The following CLASP1 variants were observed in gnomAD, a reference collection of about 807,000 sequenced individuals.
The protein encoded by CLASP1 is cytoplasmic linker associated protein 1, also known as CLIP-associating protein 1.
In CLASP1, 38 loss-of-function variants were observed where a neutral mutation model predicts 192.3. The ratio of observed to expected loss-of-function variants is 0.20; its 90% CI spans 0.15 to 0.26. CLASP1 has a LOEUF of 0.26. Ranked by LOEUF, CLASP1 falls within the 10% of genes least tolerant of loss-of-function variation. The pLI is 1.00. For missense variants in CLASP1, 1,433 were observed against 1,932.5 expected, an observed-to-expected ratio of 0.74 and a Z score of 4.85; for synonymous variants, 691 against 712.8, an observed-to-expected ratio of 0.97 and a Z score of 0.49.
chr2:121,609,078 C>T (rs1264848933), intron 1 of CLASP1, among the ~76,000 whole-genome samples: 2 of 152,148 alleles, frequency 1.3e-5, no homozygotes, highest in Non-Finnish European at 2.9e-5. Context: ...CCTTTCCCCA[C>T]CTTGAAAACA....
chr2:121,562,660 T>C (rs1022482983), intron 2 of CLASP1, among the ~76,000 whole-genome samples: 2 of 152,202 alleles, frequency 1.3e-5, no homozygotes, highest in Non-Finnish European at 2.9e-5. Flanking sequence ...AATTATTTAC[T>C]AGGAGATCAA....
At chr2:121,384,664 G>A (rs1364795511) in intron 32 of CLASP1, among the ~76,000 whole-genome samples, 1 of 152,148 alleles carries the variant, frequency 6.6e-6, no homozygotes, top group Non-Finnish European at 1.5e-5. Context: ...AGCATGTTGG[G>A]AGGCAGAGGT....
chr2:121,399,043 G>A (rs1277527456), intron 28 of CLASP1, among the ~76,000 whole-genome samples: 1 of 152,172 alleles, frequency 6.6e-6, no homozygotes, highest in Non-Finnish European at 1.5e-5. Flanking sequence ...GGCCCACGTG[G>A]AAAATGGTGA....
rs147266604 is a variant in CLASP1 at position 121,442,776 on chromosome 2, C to A, written c.1912+4561G>T. On this transcript the variant is annotated intron_variant, in intron 19 of 39. Coordinates refer to ENST00000263710, the Ensembl canonical transcript of CLASP1. The stretch of plus-strand genomic sequence containing the variant: ...TTACAGGGGTGAGCCACTGCACTCA[C>A]CCTCTAAATTTTTAATTTAGAGCAT... 5.7e-3 allele frequency among the ~76,000 whole-genome samples: 865 copies of A among 152,194 alleles called. 2 individuals carry two copies. The highest frequency in any genetic ancestry group is 1.0e-2 in the Non-Finnish European group (679 of 67,982).
chr2:121,583,895 C>T lies in CLASP1; in HGVS notation c.195+21806G>A, dbSNP rs185172174. Among the ~76,000 whole-genome samples the T allele has an allele frequency of 9.5e-3, 1,426 of 149,542 alleles. 20 individuals carry two copies. The highest frequency in any genetic ancestry group is 0.01 in the Non-Finnish European group (699 of 68,000). Reference sequence around the variant, plus strand: ...AGTGTTAGGGTCTTTTCTGAAATACCTTTATGTAAAAAATCGTGGGGAGGG... The same window carrying T: ...AGTGTTAGGGTCTTTTCTGAAATACTTTTATGTAAAAAATCGTGGGGAGGG... On this transcript the variant is annotated intron_variant, in intron 2 of 39. Transcript: ENST00000263710.
intron 2 of CLASP1, among the ~76,000 whole-genome samples, chr2:121,543,870 T>C (rs962062721): frequency 6.6e-6 from 1 of 152,048 alleles, no homozygotes; most frequent in East Asian, 1.9e-4. Flanking sequence ...AGGGGGTGGA[T>C]AGGAAATCAT....
chr2:121,444,663 T>C (rs2083996227), intron 19 of CLASP1, among the ~76,000 whole-genome samples: 1 of 152,080 alleles, frequency 6.6e-6, no homozygotes, highest in Non-Finnish European at 1.5e-5. Flanking sequence ...TCAATGCTCC[T>C]CCCCAGAGTG....
chr2:121,596,034 G>A (rs11122861), intron 2 of CLASP1, among the ~76,000 whole-genome samples: 29,172 of 152,098 alleles, frequency 0.19, 5,047 homozygotes, highest in African/African-American at 0.46. Context: ...AGCCAGAAGA[G>A]GAATCCAGAC....
chr2:121,546,692 T>G (rs956730517), intron 2 of CLASP1, among the ~76,000 whole-genome samples: 1 of 152,054 alleles, frequency 6.6e-6, no homozygotes, highest in African/African-American at 2.4e-5. Context: ...CAGAGTAGTT[T>G]CTCAGGCGCA....
At chr2:121,537,893 A>C (rs1288622108) in intron 2 of CLASP1, among the ~76,000 whole-genome samples, 1 of 152,228 alleles carries the variant, frequency 6.6e-6, no homozygotes, top group African/African-American at 2.4e-5. Context: ...GAGAAATTGA[A>C]CATCCACTGC....
intron 37 of CLASP1, among the ~76,000 whole-genome samples, chr2:121,359,552 C>G (rs968475891): frequency 6.6e-6 from 1 of 152,160 alleles, no homozygotes; most frequent in East Asian, 1.9e-4. Flanking sequence ...CTCTTGGAAA[C>G]AGAAAATGGG....
chr2:121,563,105 G>A (rs2059228059), intron 2 of CLASP1, among the ~76,000 whole-genome samples: 1 of 152,078 alleles, frequency 6.6e-6, no homozygotes, highest in African/African-American at 2.4e-5. Context: ...TTCAAATCAA[G>A]TACAAGGCAT....
At chr2:121,583,277 C>T (rs976430726) in intron 2 of CLASP1, among the ~76,000 whole-genome samples, 2 of 152,142 alleles carry the variant, frequency 1.3e-5, no homozygotes, top group Admixed American at 6.5e-5. Flanking sequence ...ACCATACTCC[C>T]TAAACAATGT....
chr2:121,549,732 G>A (rs557020180), intron 2 of CLASP1, among the ~76,000 whole-genome samples: 28 of 147,684 alleles, frequency 1.9e-4, no homozygotes, highest in Admixed American at 1.3e-3. Flanking sequence ...AAGGCCTGGC[G>A]TGGTGGCTCA....
chr2:121,539,776 T>C (rs2095187540), intron 2 of CLASP1, among the ~76,000 whole-genome samples: 1 of 152,200 alleles, frequency 6.6e-6, no homozygotes, highest in Non-Finnish European at 1.5e-5. Flanking sequence ...ACAAAGCAAC[T>C]GATAGGCAAG....
intron 1 of CLASP1, among the ~76,000 whole-genome samples, chr2:121,620,691 T>C (rs989157586): frequency 6.6e-6 from 1 of 152,208 alleles, no homozygotes; most frequent in Non-Finnish European, 1.5e-5. Context: ...GACAGCATCT[T>C]TGAAGAAGTA....
intron 2 of CLASP1, among the ~76,000 whole-genome samples, chr2:121,603,756 G>A (rs1025838836): frequency 9.2e-5 from 14 of 152,120 alleles, no homozygotes; most frequent in African/African-American, 3.4e-4. Flanking sequence ...ATAAAATCCC[G>A]TCCTTCACAG....
chr2:121,406,780 G>A (rs2076970131), intron 25 of CLASP1, among the ~76,000 whole-genome samples: 1 of 151,966 alleles, frequency 6.6e-6, no homozygotes. Context: ...TTGTAGAGAT[G>A]GGGTCTCCCT....
chr2:121,449,038 G>C, exon 17 of CLASP1: 1 of 1,613,946 alleles, frequency 6.2e-7, no homozygotes, highest in Non-Finnish European at 8.5e-7. Context: ...TGGGACTGCA[G>C]GGCTTTCTGG....
Sources: allele counts gnomAD v4.1 joint callset (sites outside exome capture counted in the v4.1 genomes callset), GRCh38; gene constraint gnomAD v4.1.1; transcripts MANE v1.5; gene names NCBI Gene and HGNC (gene_info 2026-07-23, HGNC 2026-07-21).